The following KCTD1 variants were observed in gnomAD, a reference collection of about 807,000 sequenced individuals.
KCTD1 encodes the protein potassium channel tetramerization domain containing 1.
A neutral mutation model predicts 66.0 loss-of-function variants in KCTD1; 24 were observed. The ratio of observed to expected loss-of-function variants is 0.36; its 90% CI spans 0.26 to 0.51. KCTD1 has a LOEUF of 0.51. Ranked by LOEUF, KCTD1 falls within the 20% of genes least tolerant of loss-of-function variation. The pLI, the probability that KCTD1 is intolerant of heterozygous loss-of-function variation, is 0.95. For missense variants in KCTD1, 943 were observed against 1,205.2 expected (o/e 0.78, Z 3.22); for synonymous variants, 511 against 517.2 (o/e 0.99, Z 0.16).
chr18:26,649,454 C>T (rs758759295), intron 1 of KCTD1, among the ~76,000 whole-genome samples: 1 of 152,174 alleles, frequency 6.6e-6, no homozygotes, highest in Non-Finnish European at 1.5e-5. Context: ...ATCCTTCCAG[C>T]TGTCCCCGTT....
intron 1 of KCTD1, among the ~76,000 whole-genome samples, chr18:26,555,978 G>T (rs2144865768): frequency 6.6e-6 from 1 of 152,196 alleles, no homozygotes; most frequent in African/African-American, 2.4e-5. Context: ...CACAGGATGT[G>T]TGGAGGAGTG....
upstream of KCTD1, among the ~76,000 whole-genome samples, chr18:26,634,186 GA>G (rs1381916685): frequency 1.3e-5 from 2 of 152,006 alleles, no homozygotes; most frequent in Non-Finnish European, 2.9e-5. Flanking sequence ...AAAAAAGTGG[GA>G]AAAAAATGAA....
chr18:26,611,864 GAGTTA>G (rs1238370168), intron 1 of KCTD1, among the ~76,000 whole-genome samples: 1 of 152,168 alleles, frequency 6.6e-6, no homozygotes, highest in Non-Finnish European at 1.5e-5. Context: ...GTTCTGGGAT[GAGTTA>G]AGTTACTTGG....
intron 1 of KCTD1, among the ~76,000 whole-genome samples, chr18:26,612,073 G>A (rs985720204): frequency 6.6e-6 from 1 of 152,096 alleles, no homozygotes; most frequent in East Asian, 1.9e-4. Flanking sequence ...CACTGGGCAC[G>A]GTTTCCTCTT....
intron 1 of KCTD1, among the ~76,000 whole-genome samples, chr18:26,637,692 A>G (rs1035654229): frequency 6.6e-6 from 1 of 152,228 alleles, no homozygotes; most frequent in Admixed American, 6.5e-5. Flanking sequence ...CTGTGAGTTG[A>G]TTCAGCGGTC....
chr18:26,546,712 AGTTTG>A lies in KCTD1; in HGVS notation c.1809+11_1809+15del. ...TACCAAAGAAACATTTCATGCATAG[AGTTTG>A]GTTTGGTTACCTGGGTGGGGGAAAC... is the stretch of plus-strand genomic sequence containing the variant. On this transcript the variant is annotated intron_variant, in intron 1 of 4. Transcript: ENST00000580059. The A allele has an allele frequency of 6.5e-7, 1 of 1,539,394 alleles. No homozygotes were observed. The highest frequency in any genetic ancestry group is 8.8e-7 in the Non-Finnish European group (1 of 1,142,028).
intron 1 of KCTD1, among the ~76,000 whole-genome samples, chr18:26,536,951 C>T (rs1379702122): frequency 6.6e-6 from 1 of 151,528 alleles, no homozygotes; most frequent in Non-Finnish European, 1.5e-5. Context: ...GAGACACATT[C>T]CTGGATCATT....
intron 2 of KCTD1, among the ~76,000 whole-genome samples, chr18:26,491,949 C>A (rs893023148): frequency 6.6e-6 from 1 of 152,172 alleles, no homozygotes; most frequent in African/African-American, 2.4e-5. Flanking sequence ...AAATTGGGAT[C>A]CAAAGATCCC....
Position 26,548,345 on chromosome 18 carries a change from G to C in KCTD1, c.192C>G (p.Asp64Glu). 5 of 1,482,512 alleles carry C rather than the reference G, an allele frequency of 3.4e-6. No homozygotes were observed. Among genetic ancestry groups the C allele is most frequent in the East Asian group, 2.7e-5 (1 of 37,366 alleles). The allele number at this position is 1,482,512 out of a possible 1,614,324, so 91.8% of individuals were successfully genotyped here. ...GEEEEEEEEEDEIQEVQITGD... is the reference protein window; with the variant it reads ...GEEEEEEEEEEEIQEVQITGD... ...CCGTTATCTGCACCTCCTGGATCTC[G>C]TCCTCCTCCTCCTCTTCCTCCTCCT... Residue 64 changes from aspartate (D) to glutamate (E), a missense_variant, in exon 1 of 5, where the codon GAC becomes GAG. Asp to Glu is a conservative substitution (Grantham distance 45). This residue lies in a region of KCTD1 where 236 missense variants were observed against 206.6 expected (regional missense o/e 1.14). Transcript: ENST00000580059.
intron 1 of KCTD1, among the ~76,000 whole-genome samples, chr18:26,595,015 T>G (rs757883998): frequency 1.3e-5 from 2 of 152,118 alleles, no homozygotes; most frequent in East Asian, 1.9e-4. Flanking sequence ...CTCTCCCACT[T>G]TTCCTCTCCC....
intron 3 of KCTD1, among the ~76,000 whole-genome samples, chr18:26,475,054 T>C (rs116342426): frequency 1.8e-3 from 267 of 152,326 alleles, no homozygotes; most frequent in African/African-American, 6.2e-3. Context: ...ATCAAATTCC[T>C]ATGCACCTGT....
chr18:26,538,209 T>C (rs533943882), intron 1 of KCTD1, among the ~76,000 whole-genome samples: 2 of 151,830 alleles, frequency 1.3e-5, no homozygotes, highest in South Asian at 4.2e-4. Flanking sequence ...ATCGCACCAC[T>C]GCACTCCAGC....
intron 1 of KCTD1, among the ~76,000 whole-genome samples, chr18:26,546,487 T>C (rs1985226329): frequency 6.6e-6 from 1 of 152,204 alleles, no homozygotes; most frequent in South Asian, 2.1e-4. Context: ...TTGAAGTTTT[T>C]CGCCTTACTG....
chr18:26,572,152 C>G (rs557213131), intron 1 of KCTD1, among the ~76,000 whole-genome samples: 1 of 151,990 alleles, frequency 6.6e-6, no homozygotes, highest in Admixed American at 6.5e-5. Context: ...CTCTGCCTCC[C>G]AGGTTCAAGT....
chr18:26,577,051 T>C (rs1287948843), intron 1 of KCTD1, among the ~76,000 whole-genome samples: 2 of 152,266 alleles, frequency 1.3e-5, no homozygotes, highest in Admixed American at 6.5e-5. Flanking sequence ...AACTCCTTGA[T>C]AAGTTGAAGA....
At chr18:26,475,880 CTATATAT>C (rs1981320130) in intron 3 of KCTD1, among the ~76,000 whole-genome samples, 1 of 152,074 alleles carries the variant, frequency 6.6e-6, no homozygotes, top group Admixed American at 6.6e-5. Context: ...ACAAAAAAAG[CTATATAT>C]TGATCCTGAA....
chr18:26,475,887 T>C (rs899001692), intron 3 of KCTD1, among the ~76,000 whole-genome samples: 6 of 152,166 alleles, frequency 3.9e-5, no homozygotes, highest in Non-Finnish European at 7.4e-5. Flanking sequence ...AAGCTATATA[T>C]TGATCCTGAA....
At chr18:26,507,451 C>G (rs983024191) in intron 1 of KCTD1, among the ~76,000 whole-genome samples, 2 of 152,142 alleles carry the variant, frequency 1.3e-5, no homozygotes, top group Non-Finnish European at 2.9e-5. Flanking sequence ...ATCACTGAAG[C>G]CTTGAGCTCC....
chr18:26,484,573 AG>A (rs1981819688), intron 2 of KCTD1, among the ~76,000 whole-genome samples: 1 of 152,224 alleles, frequency 6.6e-6, no homozygotes, highest in Non-Finnish European at 1.5e-5. Context: ...TAAAAATTAG[AG>A]GGTTACATTG....
Sources: allele counts gnomAD v4.1 joint callset (sites outside exome capture counted in the v4.1 genomes callset), GRCh38; gene constraint gnomAD v4.1.1; regional missense constraint gnomAD v4.1.1; transcripts MANE v1.5; gene names NCBI Gene and HGNC (gene_info 2026-07-23, HGNC 2026-07-21).